KSR1: variants seen among roughly 807,000 people sequenced by gnomAD.
KSR1 encodes the protein kinase suppressor of ras.
In KSR1, 35 loss-of-function variants were observed where a neutral mutation model predicts 92.9. The ratio of observed to expected loss-of-function variants is 0.38; its 90% confidence interval spans 0.29 to 0.50. KSR1 has a LOEUF of 0.50. Ranked by LOEUF, KSR1 falls within the 20% of genes least tolerant of loss-of-function variation. The pLI is 0.94. For synonymous variants in KSR1, 467 were observed against 472.6 expected, an observed-to-expected ratio of 0.99 and a Z score of 0.15; for missense variants, 972 against 1,158.5, an observed-to-expected ratio of 0.84 and a Z score of 2.34.
intron 1 of KSR1, among the ~76,000 whole-genome samples, chr17:27,509,493 G>C (rs528845223): frequency 5.9e-5 from 9 of 151,520 alleles, no homozygotes; most frequent in Admixed American, 2.0e-4. Flanking sequence ...GTTTCACCAT[G>C]TTAGTCAGGA....
intron 1 of KSR1, among the ~76,000 whole-genome samples, chr17:27,529,730 C>T (rs1453238230): frequency 6.6e-6 from 1 of 152,114 alleles, no homozygotes; most frequent in Non-Finnish European, 1.5e-5. Context: ...TTGTGCAACC[C>T]CAGTCATTCT....
chr17:27,541,061 T>C (rs1015000240), intron 1 of KSR1, among the ~76,000 whole-genome samples: 3 of 152,198 alleles, frequency 2.0e-5, no homozygotes, highest in Non-Finnish European at 4.4e-5. Flanking sequence ...GAATGAAGGC[T>C]GGAGTAAGTT....
At chr17:27,604,796 G>T (rs374595833) in intron 13 of KSR1, 68 bp downstream of exon 13, 100 of 1,517,176 alleles carry the variant, frequency 6.6e-5, no homozygotes, top group Non-Finnish European at 7.9e-5. Flanking sequence ...CTCAGAATGC[G>T]CAGGGGGCTT....
intron 2 of KSR1, among the ~76,000 whole-genome samples, chr17:27,554,342 C>T (rs2071512127): frequency 6.6e-6 from 1 of 152,186 alleles, no homozygotes; most frequent in Admixed American, 6.5e-5. Flanking sequence ...GGGACCCATC[C>T]CCCAGGCCAC....
At chr17:27,567,856 G>A (rs192269028) in intron 2 of KSR1, among the ~76,000 whole-genome samples, 3 of 152,330 alleles carry the variant, frequency 2.0e-5, no homozygotes, top group African/African-American at 7.2e-5. Context: ...GGTGACCCAG[G>A]CAGGTTTTCT....
intron 11 of KSR1, among the ~76,000 whole-genome samples, chr17:27,603,585 C>T (rs989853666): frequency 1.3e-5 from 2 of 151,986 alleles, no homozygotes; most frequent in Non-Finnish European, 2.9e-5. Flanking sequence ...GATCCCCTGC[C>T]CAGAGCCCCT....
At chr17:27,598,861 C>G (rs958213619) in intron 10 of KSR1, among the ~76,000 whole-genome samples, 1 of 152,210 alleles carries the variant, frequency 6.6e-6, no homozygotes, top group Non-Finnish European at 1.5e-5. Context: ...AACCCTCCCC[C>G]CAACCCCCAC....
rs137962083 is a variant in KSR1 at position 27,626,029 on chromosome 17, G to A, written c.*2637G>A. The A allele has an allele frequency of 1.1e-3, 166 of 152,324 alleles. No individual in the cohort carries two copies. Among genetic ancestry groups the A allele is most frequent in the African/African-American group, 3.8e-3 (158 of 41,564 alleles). The allele number at this position is 152,324 out of a possible 1,614,324, so 9.4% of individuals were successfully genotyped here. ...ATCAAAACACCCTCTGTCATCCTAC[G>A]GCATTTCCTCTTGAGGTCACAGAGA... On this transcript the variant is annotated 3_prime_UTR_variant, in exon 21 of 21. Transcript: ENST00000644974.
chr17:27,493,841 T>C (rs576604299), intron 1 of KSR1, among the ~76,000 whole-genome samples: 2 of 152,312 alleles, frequency 1.3e-5, no homozygotes, highest in Admixed American at 1.3e-4. Flanking sequence ...TTTTGCCTGC[T>C]GCTGGGAAAA....
chr17:27,603,698 G>A lies in KSR1; in HGVS notation c.1511-136G>A, dbSNP rs372808328. Reference sequence around the variant, plus strand: ...GGAAGGGCCCAGGCTGGTCCTTGTGGGAGTGTCTGGGGAACATGTGGCAGT... The same window carrying A: ...GGAAGGGCCCAGGCTGGTCCTTGTGAGAGTGTCTGGGGAACATGTGGCAGT... On this transcript the variant is annotated intron_variant, in intron 11 of 20. Coordinates refer to ENST00000644974, the MANE Select transcript of KSR1 (RefSeq NM_001394583.1). 1.0e-4 allele frequency: 84 copies of A among 828,054 alleles called. No individual in the cohort carries two copies. In the African/African-American group the frequency reaches 1.3e-3, roughly 13 times the overall value. 51.3% of individuals were successfully genotyped at this position (828,054 alleles called of 1,614,324 possible). A position where few individuals can be genotyped will look rare whatever the true frequency, so the allele number is the denominator to read the frequency against.
intron 11 of KSR1, among the ~76,000 whole-genome samples, chr17:27,602,627 TCTTA>T (rs1364768182): frequency 1.3e-5 from 2 of 152,248 alleles, no homozygotes; most frequent in Non-Finnish European, 1.5e-5. Flanking sequence ...ACACCCCAAC[TCTTA>T]CTACTTCCCT....
At chr17:27,563,916 C>T (rs954076061) in intron 2 of KSR1, among the ~76,000 whole-genome samples, 1 of 147,874 alleles carries the variant, frequency 6.8e-6, no homozygotes, top group Non-Finnish European at 1.5e-5. Context: ...CCTTTTAGCA[C>T]TTATTCACAA....
chr17:27,483,109 G>A (rs2068557103), intron 1 of KSR1, among the ~76,000 whole-genome samples: 1 of 151,954 alleles, frequency 6.6e-6, no homozygotes. Flanking sequence ...TGAGTCTACA[G>A]GTAAAAAAAT....
intron 1 of KSR1, among the ~76,000 whole-genome samples, chr17:27,491,304 G>GGTGT (rs60738939): frequency 7.2e-4 from 79 of 110,104 alleles, no homozygotes; most frequent in African/African-American, 2.9e-3. Context: ...TTTTGTTAGT[G>GGTGT]GTGTGTGTGT....
chr17:27,568,203 AC>A (rs2072162631), intron 2 of KSR1, among the ~76,000 whole-genome samples: 1 of 152,118 alleles, frequency 6.6e-6, no homozygotes, highest in Non-Finnish European at 1.5e-5. Context: ...CAGCTCCAAA[AC>A]CCGACAGCTC....
intron 11 of KSR1, chr17:27,601,926 T>C: frequency 6.2e-7 from 1 of 1,609,376 alleles, no homozygotes; most frequent in Non-Finnish European, 8.5e-7. Context: ...AAATGCCTCC[T>C]TATTGCAGAA....
intron 1 of KSR1, among the ~76,000 whole-genome samples, chr17:27,468,719 T>C (rs150690822): frequency 6.6e-6 from 1 of 152,176 alleles, no homozygotes; most frequent in African/African-American, 2.4e-5. Flanking sequence ...CAGTTTTGAT[T>C]ATTTTCTCCT....
Position 27,603,599 on chromosome 17 carries a change from C to G in KSR1, c.1511-235C>G, listed in dbSNP as rs139906592. On this transcript the variant is annotated intron_variant, in intron 11 of 20. Transcript: ENST00000644974. ...AGATCCCCTGCCCAGAGCCCCTGCC[C>G]AGAGCCCCTTCCTGAGACACAGCTG... Among the ~76,000 whole-genome samples the G allele has an allele frequency of 1.6e-4, 25 of 152,286 alleles. 1 individual carries two copies. The highest frequency in any genetic ancestry group is 6.0e-4 in the African/African-American group (25 of 41,570).
chr17:27,478,667 C>G lies in KSR1; in HGVS notation c.231+21793C>G, dbSNP rs532229611. 6.2e-4 allele frequency among the ~76,000 whole-genome samples: 95 copies of G among 152,204 alleles called. 1 individual carries two copies. Among genetic ancestry groups the G allele is most frequent in the African/African-American group, 2.3e-3 (94 of 41,512 alleles). ...AATGCCACCGACCTCCTTGCCCTTC[C>G]TGCACCCCTACCATGGATCACCATT... On this transcript the variant is annotated intron_variant, in intron 1 of 20. Coordinates refer to ENST00000644974, the MANE Select transcript of KSR1 (RefSeq NM_001394583.1).
Sources: allele counts gnomAD v4.1 joint callset (sites outside exome capture counted in the v4.1 genomes callset), GRCh38; gene constraint gnomAD v4.1.1; transcripts MANE v1.5; gene names NCBI Gene and HGNC (gene_info 2026-07-23, HGNC 2026-07-21).